EPHA5: variants seen among roughly 807,000 people sequenced by gnomAD.
EPHA5 encodes ephrin type-A receptor 5.
Under a neutral mutation model 105.0 loss-of-function variants are expected in EPHA5, and 60 were observed. The observed-to-expected ratio is 0.57, with a 90% confidence interval of 0.46 to 0.71. The LOEUF (loss-of-function observed/expected upper bound fraction) is 0.71. Among genes scored for constraint, EPHA5 ranks in the 30% least tolerant of loss-of-function variants. EPHA5 has a pLI of 0.00. For missense variants in EPHA5, 1,218 were observed against 1,274.7 expected (o/e 0.96, Z 0.68); for synonymous variants, 513 against 449.1 (o/e 1.14, Z -1.80).
intron 16 of EPHA5, among the ~76,000 whole-genome samples, chr4:65,326,012 C>A (rs903381904): frequency 4.2e-5 from 6 of 143,892 alleles, no homozygotes; most frequent in Admixed American, 1.4e-4. Context: ...ATATATATAT[C>A]TCATATATAT....
At chr4:65,414,897 C>G (rs1457905471) in intron 6 of EPHA5, among the ~76,000 whole-genome samples, 1 of 152,140 alleles carries the variant, frequency 6.6e-6, no homozygotes, top group Non-Finnish European at 1.5e-5. Flanking sequence ...TTAGTGAATT[C>G]AATTTCTAAT....
At chr4:65,593,639 A>G (rs1742893110) in intron 3 of EPHA5, among the ~76,000 whole-genome samples, 1 of 152,340 alleles carries the variant, frequency 6.6e-6, no homozygotes, top group Non-Finnish European at 1.5e-5. Flanking sequence ...TTGCAGCTAC[A>G]TGAACACTTT....
At chr4:65,490,856 T>C (rs1218954393) in intron 4 of EPHA5, 144 bp from the exon 5 acceptor site, 1 of 903,820 alleles carries the variant, frequency 1.1e-6, no homozygotes, top group Non-Finnish European at 1.7e-6. Context: ...GTTTTCATAA[T>C]TTTGTAGGGA....
intron 2 of EPHA5, among the ~76,000 whole-genome samples, chr4:65,610,720 T>C (rs1744686370): frequency 6.6e-6 from 1 of 152,162 alleles, no homozygotes; most frequent in Non-Finnish European, 1.5e-5. Flanking sequence ...CTCATTATTG[T>C]TTTATAAAAA....
chr4:65,663,232 C>A (rs1749694085), intron 1 of EPHA5, among the ~76,000 whole-genome samples: 1 of 151,950 alleles, frequency 6.6e-6, no homozygotes, highest in Admixed American at 6.6e-5. Context: ...GGTTTTCAGG[C>A]AATTTTTAAA....
chr4:65,543,854 T>C (rs1223466809), intron 3 of EPHA5, among the ~76,000 whole-genome samples: 1 of 152,070 alleles, frequency 6.6e-6, no homozygotes, highest in Non-Finnish European at 1.5e-5. Flanking sequence ...GAAAACAGCA[T>C]GGTACTGGTA....
At chr4:65,373,366 T>C (rs1718678089) in intron 8 of EPHA5, among the ~76,000 whole-genome samples, 1 of 151,892 alleles carries the variant, frequency 6.6e-6, no homozygotes. Context: ...CTTTATTCTT[T>C]ATGCCACTTT....
intron 8 of EPHA5, among the ~76,000 whole-genome samples, chr4:65,380,136 A>G (rs184192667): frequency 5.3e-5 from 8 of 151,944 alleles, no homozygotes; most frequent in Admixed American, 2.0e-4. Context: ...GTGAGCTCTG[A>G]TTCAACACAG....
At chr4:65,444,285 T>C (rs934335194) in intron 5 of EPHA5, among the ~76,000 whole-genome samples, 1 of 152,188 alleles carries the variant, frequency 6.6e-6, no homozygotes, top group Non-Finnish European at 1.5e-5. Flanking sequence ...TAAGTTGTTA[T>C]AAAGATTAAG....
chr4:65,407,292 G>C (rs1422145141), intron 7 of EPHA5, among the ~76,000 whole-genome samples: 1 of 152,080 alleles, frequency 6.6e-6, no homozygotes, highest in Admixed American at 6.6e-5. Flanking sequence ...TTTGGAGGAA[G>C]AGTCCACAAT....
chr4:65,495,597 T>C (rs1731851610), intron 3 of EPHA5, 54 bp from the exon 4 acceptor site: 3 of 1,455,720 alleles, frequency 2.1e-6, no homozygotes, highest in Non-Finnish European at 2.8e-6. Flanking sequence ...GCAGTGTTTG[T>C]TTTGTGAATA....
At chr4:65,595,909 G>T (rs974429249) in intron 3 of EPHA5, among the ~76,000 whole-genome samples, 2 of 152,158 alleles carry the variant, frequency 1.3e-5, no homozygotes, top group African/African-American at 4.8e-5. Context: ...AGTTAGAGAT[G>T]AGAACAGCAA....
intron 3 of EPHA5, among the ~76,000 whole-genome samples, chr4:65,565,793 A>G (rs749866723): frequency 7.2e-5 from 11 of 151,750 alleles, no homozygotes; most frequent in Admixed American, 1.3e-4. Context: ...TAAAAAAATT[A>G]CAGAATATAA....
At chr4:65,441,089 T>G (rs1725966507) in intron 5 of EPHA5, among the ~76,000 whole-genome samples, 1 of 152,128 alleles carries the variant, frequency 6.6e-6, no homozygotes, top group African/African-American at 2.4e-5. Flanking sequence ...GGTTAACAAT[T>G]TAAAGATGGA....
intron 2 of EPHA5, among the ~76,000 whole-genome samples, chr4:65,627,615 T>C (rs1484145609): frequency 6.6e-6 from 1 of 152,138 alleles, no homozygotes; most frequent in Non-Finnish European, 1.5e-5. Flanking sequence ...GAGAGAAAGA[T>C]AAAGACAGAA....
At chr4:65,661,673 G>A (rs1405202463) in intron 1 of EPHA5, among the ~76,000 whole-genome samples, 1 of 152,136 alleles carries the variant, frequency 6.6e-6, no homozygotes, top group Non-Finnish European at 1.5e-5. Context: ...TTGGGTGAAA[G>A]CTTTGGGTGA....
chr4:65,509,546 T>C (rs562396562), intron 3 of EPHA5, among the ~76,000 whole-genome samples: 1 of 152,312 alleles, frequency 6.6e-6, no homozygotes, highest in East Asian at 1.9e-4. Flanking sequence ...CCTGATTTTG[T>C]AAGATGAGAA....
intron 5 of EPHA5, among the ~76,000 whole-genome samples, chr4:65,439,793 C>T (rs747163123): frequency 1.3e-5 from 2 of 151,888 alleles, no homozygotes; most frequent in East Asian, 1.9e-4. Flanking sequence ...TATTTTCTTT[C>T]GTATTTGCAT....
chr4:65,530,762 A>G (rs902703228), intron 3 of EPHA5, among the ~76,000 whole-genome samples: 3 of 152,126 alleles, frequency 2.0e-5, no homozygotes, highest in Non-Finnish European at 4.4e-5. Context: ...TGAAATGGAT[A>G]ATAGTACTAT....
Sources: gnomAD v4.1 joint callset for allele counts (sites outside exome capture counted in the v4.1 genomes callset) on GRCh38, gnomAD v4.1.1 for gene constraint, MANE v1.5 for transcripts, NCBI Gene and HGNC (gene_info 2026-07-23, HGNC 2026-07-21) for gene names.